ELSPBP1: variants seen among roughly 807,000 people sequenced by gnomAD.
ELSPBP1 encodes epididymal sperm-binding protein 1.
Under a neutral mutation model 33.3 loss-of-function variants are expected in ELSPBP1, and 38 were observed. That is an observed-to-expected ratio of 1.14 (90% CI 0.88 to 1.50). ELSPBP1 has a LOEUF of 1.50. Among genes scored for constraint, ELSPBP1 ranks in the 40% most tolerant of loss-of-function variants. ELSPBP1 has a pLI of 0.00. For synonymous variants in ELSPBP1, 85 were observed against 94.1 expected (o/e 0.90, Z 0.56); for missense variants, 267 against 263.5 (o/e 1.01, Z -0.09).
At chr19:48,003,143 C>T (rs920209807) in intron 1 of ELSPBP1, among the ~76,000 whole-genome samples, 7 of 152,112 alleles carry the variant, frequency 4.6e-5, no homozygotes, top group South Asian at 4.1e-4. Context: ...ATGTTCCAGA[C>T]GAGACATGGG....
At chr19:47,999,058 G>C (rs1019223801) in intron 1 of ELSPBP1, among the ~76,000 whole-genome samples, 1 of 152,170 alleles carries the variant, frequency 6.6e-6, no homozygotes, top group Non-Finnish European at 1.5e-5. Context: ...CCTGTGCCTG[G>C]AATGCTTGTT....
In ELSPBP1 at chr19:48,022,109, G is replaced by A. The variant is rs183566487; in HGVS notation, c.515-61G>A. ...AATCTAGGGTGGGCCTGAAGCCCAC[G>A]CCTCTACGACAGTGTGAAGCCTGAG... On this transcript the variant is annotated intron_variant, in intron 5 of 6. Transcript: ENST00000339841. The A allele has an allele frequency of 9.4e-6, 14 of 1,492,452 alleles. No homozygotes were observed. In the Admixed American group the frequency reaches 1.7e-4, roughly 18 times the overall value. The allele number at this position is 1,492,452 out of a possible 1,614,324, so 92.5% of individuals were successfully genotyped here. A position where few individuals can be genotyped will look rare whatever the true frequency, so the allele number is the denominator to read the frequency against.
intron 1 of ELSPBP1, among the ~76,000 whole-genome samples, chr19:47,995,198 T>C (rs1396175761): frequency 6.6e-6 from 1 of 152,168 alleles, no homozygotes; most frequent in Non-Finnish European, 1.5e-5. Context: ...GGCTGCCATA[T>C]TGGTTCTGGA....
chr19:48,023,497 A>AGGGAAGGAGGGG (rs1967232401), intron 6 of ELSPBP1, among the ~76,000 whole-genome samples: 1 of 102,156 alleles, frequency 9.8e-6, no homozygotes, highest in Non-Finnish European at 2.4e-5. Context: ...GGAGGGAGGG[A>AGGGAAGGAGGGG]AGGAAAAGAG....
intron 1 of ELSPBP1, among the ~76,000 whole-genome samples, chr19:48,001,418 T>C (rs535309547): frequency 6.6e-6 from 1 of 151,942 alleles, no homozygotes; most frequent in Admixed American, 6.6e-5. Flanking sequence ...CCTGACCTCA[T>C]GATCCTTGTG....
intron 3 of ELSPBP1, among the ~76,000 whole-genome samples, chr19:48,015,500 T>TA (rs970735296): frequency 2.8e-4 from 42 of 151,326 alleles, no homozygotes; most frequent in South Asian, 6.3e-4. Context: ...TACTAAAAAT[T>TA]AAAAAAAATT....
chr19:48,023,522 A>AGGGG (rs1568409611), intron 6 of ELSPBP1, among the ~76,000 whole-genome samples: 1 of 95,136 alleles, frequency 1.1e-5, no homozygotes, highest in African/African-American at 3.3e-5. Context: ...GAAATAAGGA[A>AGGGG]GGAAGGGAGG....
At position 48,008,706 on chromosome 19, in the gene ELSPBP1, C is replaced by A. The variant is rs763950451; in HGVS notation, c.39C>A (p.Thr13=). The A allele has an allele frequency of 9.3e-6, 15 of 1,613,746 alleles. No individual in the cohort carries two copies. Among genetic ancestry groups the A allele is most frequent in the Non-Finnish European group, 1.2e-5 (14 of 1,179,920 alleles). The part of the protein sequence containing the change: ...RWSSYLLGWT[T]FLLYSYESSG... ...CCAGTTACCTGTTGGGATGGACAAC[C>A]TTCCTTCTCTATTCCTATGAGTCAA... The change falls in exon 2 of 7, where the codon ACC becomes ACA. Residue 13 remains threonine (T), a synonymous_variant. Transcript: ENST00000339841.
intron 5 of ELSPBP1, among the ~76,000 whole-genome samples, chr19:48,021,500 C>T (rs753965496): frequency 2.0e-5 from 3 of 151,284 alleles, no homozygotes; most frequent in Non-Finnish European, 4.4e-5. Flanking sequence ...AGTGCAGTGG[C>T]GTGATCTCGG....
At chr19:48,022,128 G>A in intron 5 of ELSPBP1, 42 bp from the exon 6 acceptor site, 1 of 1,581,632 alleles carries the variant, frequency 6.3e-7, no homozygotes, top group Non-Finnish European at 8.6e-7. Context: ...ACAGTGTGAA[G>A]CCTGAGGAGT....
Position 48,019,880 on chromosome 19 carries a change from A to G in ELSPBP1, c.514+3A>G. 6.2e-7 allele frequency: 1 copy of G among 1,612,570 alleles called. No homozygotes were observed. The highest frequency in any genetic ancestry group is 8.5e-7 in the Non-Finnish European group (1 of 1,179,266). ...GTGGAGTTTCTGTGCCGACACCAGT[A>G]ATCTGGGGATGGGGGTTGGGTGGGT... On this transcript the variant is annotated splice_donor_region_variant and intron_variant, in intron 5 of 6. Coordinates refer to ENST00000339841, the MANE Select transcript of ELSPBP1 (RefSeq NM_022142.5).
At chr19:48,014,459 C>T in intron 3 of ELSPBP1, 151 bp downstream of exon 3, 1 of 738,596 alleles carries the variant, frequency 1.4e-6, no homozygotes, top group East Asian at 3.5e-5. Flanking sequence ...TTAATGATCG[C>T]CATTCTAACT....
chr19:48,018,743 C>T (rs1417007223), intron 4 of ELSPBP1, among the ~76,000 whole-genome samples: 1 of 152,120 alleles, frequency 6.6e-6, no homozygotes, highest in Non-Finnish European at 1.5e-5. Context: ...TGCCTGAAAA[C>T]CCCAACCCCT....
chr19:48,013,375 C>G (rs111640822), intron 2 of ELSPBP1, among the ~76,000 whole-genome samples: 2 of 152,140 alleles, frequency 1.3e-5, no homozygotes, highest in Non-Finnish European at 2.9e-5. Flanking sequence ...AGGTGTGTAG[C>G]CTTCAGGCCA....
chr19:47,995,117 A>T (rs1037379352), intron 1 of ELSPBP1, among the ~76,000 whole-genome samples: 1 of 152,250 alleles, frequency 6.6e-6, no homozygotes, highest in Non-Finnish European at 1.5e-5. Flanking sequence ...ATCAATAGGT[A>T]TCTTACACTT....
chr19:48,019,564 A>G (rs887656565), intron 4 of ELSPBP1, among the ~76,000 whole-genome samples, 155 bp from the exon 5 acceptor site: 3 of 152,170 alleles, frequency 2.0e-5, no homozygotes, highest in Non-Finnish European at 4.4e-5. Flanking sequence ...ACTTATCCGT[A>G]ACATTGGGAT....
At chr19:48,017,097 T>C (rs10416155) in intron 4 of ELSPBP1, among the ~76,000 whole-genome samples, 25,204 of 152,162 alleles carry the variant, frequency 0.17, 2,143 homozygotes, top group South Asian at 0.23. Context: ...GGTCCCAGTA[T>C]AACTGAGCCC....
intron 1 of ELSPBP1, among the ~76,000 whole-genome samples, chr19:47,996,052 T>C (rs12609357): frequency 0.28 from 42,548 of 152,078 alleles, 5,997 homozygotes; most frequent in South Asian, 0.36. Flanking sequence ...GTCTTATCTA[T>C]AGCTGTTTGA....
chr19:48,023,898 TCTCA>T (rs1967241807), intron 6 of ELSPBP1, among the ~76,000 whole-genome samples: 1 of 151,754 alleles, frequency 6.6e-6, no homozygotes, highest in Admixed American at 6.6e-5. Flanking sequence ...TGAGACGGGG[TCTCA>T]CTCTGTCGCC....
Sources: allele counts gnomAD v4.1 joint callset (sites outside exome capture counted in the v4.1 genomes callset), GRCh38; gene constraint gnomAD v4.1.1; transcripts MANE v1.5; gene names NCBI Gene and HGNC (gene_info 2026-07-23, HGNC 2026-07-21).